The following PATL2 variants were observed in gnomAD, a reference collection of about 807,000 sequenced individuals.
PATL2 encodes protein PAT1 homolog 2.
Under a neutral mutation model 77.0 loss-of-function variants are expected in PATL2, and 73 were observed. That is an observed-to-expected ratio of 0.95 (90% CI 0.78 to 1.15). The LOEUF is 1.15. Ranked by LOEUF, PATL2 falls within the 50% of genes most tolerant of loss-of-function variation. PATL2 has a pLI of 0.00. For synonymous variants in PATL2, 265 were observed against 257.1 expected, an observed-to-expected ratio of 1.03 and a Z score of -0.29; for missense variants, 618 against 655.4, an observed-to-expected ratio of 0.94 and a Z score of 0.62.
At position 44,672,077 on chromosome 15, in the gene PATL2, T is replaced by A. The variant is rs1566852667; in HGVS notation, c.595A>T (p.Ile199Leu). The change falls in exon 9 of 18, where the codon ATA becomes TTA. Residue 199 changes from isoleucine to leucine, a missense_variant. By Grantham distance (5) the Ile-to-Leu change is conservative. Coordinates refer to ENST00000682850, the MANE Select transcript of PATL2 (RefSeq NM_001387263.1). ...TGCAGCTGCACCATCTGCACTTTTA[T>A]CACCCAGTCCTTCTCTTTTCTGGTC... ...LMTRKEKDWV[I>L]KVQMVQLQSA... 1 of 1,551,572 alleles carries A rather than the reference T, an allele frequency of 6.4e-7. No individual in the cohort carries two copies. Among genetic ancestry groups the A allele is most frequent in the Admixed American group, 2.0e-5 (1 of 50,984 alleles).
chr15:44,680,412 T>C (rs1230006561), intron 3 of PATL2, among the ~76,000 whole-genome samples: 1 of 152,126 alleles, frequency 6.6e-6, no homozygotes, highest in Non-Finnish European at 1.5e-5. Flanking sequence ...TCTTATGTTA[T>C]GGGGAAAATA....
intron 3 of PATL2, among the ~76,000 whole-genome samples, chr15:44,704,150 G>A (rs937362791): frequency 6.6e-6 from 1 of 150,552 alleles, no homozygotes; most frequent in Non-Finnish European, 1.5e-5. Context: ...CACTATGTCT[G>A]GCTAATTTTT....
intron 3 of PATL2, chr15:44,697,216 C>CT: frequency 6.6e-6 from 1 of 151,490 alleles, no homozygotes; most frequent in Middle Eastern, 2.4e-3. Flanking sequence ...CTCCTTCTTC[C>CT]TTTTCCTCTT....
At chr15:44,682,927 G>T (rs2086166233) in intron 3 of PATL2, among the ~76,000 whole-genome samples, 1 of 152,198 alleles carries the variant, frequency 6.6e-6, no homozygotes. Context: ...GACAGTGGGT[G>T]CAGCCCACGG....
intron 3 of PATL2, among the ~76,000 whole-genome samples, chr15:44,703,975 T>C (rs529599167): frequency 6.6e-6 from 1 of 151,732 alleles, no homozygotes; most frequent in Non-Finnish European, 1.5e-5. Flanking sequence ...TTTTTGTGTA[T>C]CTGTTGTATG....
chr15:44,703,507 G>A (rs2141268127), intron 3 of PATL2, among the ~76,000 whole-genome samples: 1 of 151,860 alleles, frequency 6.6e-6, no homozygotes, highest in East Asian at 1.9e-4. Context: ...TATATACTCT[G>A]GCCGAATTAA....
intron 9 of PATL2, among the ~76,000 whole-genome samples, chr15:44,671,596 A>T (rs141639781): frequency 1.3e-3 from 191 of 152,330 alleles, no homozygotes; most frequent in Middle Eastern, 3.4e-3. Flanking sequence ...AAAATGAGTA[A>T]AAATATCTGC....
intron 3 of PATL2, among the ~76,000 whole-genome samples, chr15:44,699,279 T>C (rs2086578222): frequency 6.6e-6 from 1 of 152,334 alleles, no homozygotes; most frequent in South Asian, 2.1e-4. Flanking sequence ...CCCAGTCTAA[T>C]GTCCTGGAGA....
At chr15:44,686,277 T>C (rs895614136) in intron 3 of PATL2, among the ~76,000 whole-genome samples, 1 of 152,118 alleles carries the variant, frequency 6.6e-6, no homozygotes, top group African/African-American at 2.4e-5. Flanking sequence ...CAAAACTACA[T>C]GGAAACTGAA....
In PATL2 at chr15:44,701,211, C is replaced by T. The variant is rs570032078; in HGVS notation, c.-76+8885G>A. 3.3e-4 allele frequency among the ~76,000 whole-genome samples: 50 copies of T among 149,398 alleles called. 1 individual carries two copies. The highest frequency in any genetic ancestry group is 1.2e-3 in the African/African-American group (50 of 40,710). On this transcript the variant is annotated intron_variant, in intron 3 of 17. Coordinates refer to ENST00000682850, the MANE Select transcript of PATL2 (RefSeq NM_001387263.1). ...TTAATGTGTTGTTGAATTCAGTGTG[C>T]TAGTATGTTGCTGAGGATTTTTGCA...
In PATL2 at chr15:44,672,273, AC is replaced by A. The variant is rs929366734; in HGVS notation, c.515+114del. ...GATGGAGCAAGCACAGAGGTGGGCAACAGTATGAGAGTTTTAACCACCACAT... is the reference window on the plus strand; with the variant it reads ...GATGGAGCAAGCACAGAGGTGGGCAAAGTATGAGAGTTTTAACCACCACAT... On this transcript the variant is annotated intron_variant, in intron 8 of 17. Coordinates refer to ENST00000682850, the MANE Select transcript of PATL2 (RefSeq NM_001387263.1). 1.6e-5 allele frequency: 25 copies of A among 1,528,372 alleles called. No individual in the cohort carries two copies. The African/African-American group carries it at 3.4e-4, about 21-fold the overall frequency. The allele number at this position is 1,528,372 out of a possible 1,614,324, so 94.7% of individuals were successfully genotyped here. A position where few individuals can be genotyped will look rare whatever the true frequency, so the allele number is the denominator to read the frequency against.
At chr15:44,666,255 G>A in intron 17 of PATL2, 137 bp downstream of exon 17, 1 of 1,207,124 alleles carries the variant, frequency 8.3e-7, no homozygotes, top group Non-Finnish European at 1.2e-6. Context: ...CTCAGTAAAT[G>A]TCAGTGTGTA....
At chr15:44,667,025 G>A in intron 16 of PATL2, 81 bp downstream of exon 16, 1 of 1,102,726 alleles carries the variant, frequency 9.1e-7, no homozygotes, top group Admixed American at 2.1e-5. Flanking sequence ...ACTTGAAAAT[G>A]CCTCAGGAAA....
At chr15:44,701,698 C>CA (rs77174261) in intron 3 of PATL2, among the ~76,000 whole-genome samples, 3,643 of 52,116 alleles carry the variant, frequency 0.07, 188 homozygotes, top group East Asian at 0.22. Context: ...GACCCTGTCT[C>CA]AAAAAAAAAA....
chr15:44,684,535 C>G (rs1424235711), intron 3 of PATL2, among the ~76,000 whole-genome samples: 1 of 149,582 alleles, frequency 6.7e-6, no homozygotes, highest in Non-Finnish European at 1.5e-5. Context: ...AGCAAGACGA[C>G]AAGATTAGAA....
At chr15:44,702,100 G>T (rs753900826) in intron 3 of PATL2, among the ~76,000 whole-genome samples, 1 of 152,126 alleles carries the variant, frequency 6.6e-6, no homozygotes, top group Non-Finnish European at 1.5e-5. Flanking sequence ...GTTGGTATTA[G>T]TTCTTCTTCA....
At chr15:44,672,320 C>T in intron 8 of PATL2, 68 bp downstream of exon 8, 1 of 1,528,038 alleles carries the variant, frequency 6.5e-7, no homozygotes, top group Non-Finnish European at 8.9e-7. Flanking sequence ...AGGGAGACAA[C>T]TGGTCACAAG....
At chr15:44,685,290 GAC>G in intron 3 of PATL2, among the ~76,000 whole-genome samples, 1 of 152,270 alleles carries the variant, frequency 6.6e-6, no homozygotes, top group Non-Finnish European at 1.5e-5. Context: ...CCAATTAAAA[GAC>G]ACAGACTGGC....
Position 44,669,378 on chromosome 15 carries a change from C to CCA in PATL2, c.964_965dup (p.Trp322CysfsTer26), listed in dbSNP as rs2085546665. ...AGCAGGGCGGTGGAGGCCTATACTT[C>CCA]CAGCCTTCCTCTATTTCTAGTAACT... On this transcript the variant is annotated frameshift_variant, in exon 13 of 18. Transcript: ENST00000682850. LOFTEE classifies it high-confidence loss of function. 1.3e-6 allele frequency: 2 copies of CCA among 1,551,392 alleles called. No homozygotes were observed. Among genetic ancestry groups the CCA allele is most frequent in the Non-Finnish European group, 1.7e-6 (2 of 1,146,860 alleles).
Sources: gnomAD v4.1 joint callset for allele counts (sites outside exome capture counted in the v4.1 genomes callset) on GRCh38, gnomAD v4.1.1 for gene constraint, MANE v1.5 for transcripts, NCBI Gene and HGNC (gene_info 2026-07-23, HGNC 2026-07-21) for gene names.